The following RAP1GAP2 variants were observed in gnomAD, a reference collection of about 807,000 sequenced individuals.
RAP1GAP2 encodes RAP1 GTPase activating protein 2, also known as rap1 GTPase-activating protein 2.
RAP1GAP2 carries 27 observed loss-of-function variants against 95.0 expected under a neutral mutation model. The observed-to-expected ratio is 0.28, with a 90% confidence interval of 0.21 to 0.39. The LOEUF is 0.39. Ranked by LOEUF, RAP1GAP2 falls within the 10% of genes least tolerant of loss-of-function variation. The pLI is 1.00. For synonymous variants in RAP1GAP2, 373 were observed against 380.9 expected, an observed-to-expected ratio of 0.98 and a Z score of 0.24; for missense variants, 771 against 970.0, an observed-to-expected ratio of 0.79 and a Z score of 2.72.
Position 2,827,855 on chromosome 17 carries a change from C to CTTCATGCTTG in RAP1GAP2, c.80+27305_80+27306insTTCATGCTTG. 6.6e-6 allele frequency among the ~76,000 whole-genome samples: 1 copy of CTTCATGCTTG among 151,602 alleles called. No individual in the cohort carries two copies. The highest frequency in any genetic ancestry group is 2.4e-5 in the African/African-American group (1 of 41,208). ...TGAAAAACAAGGGGGAGGGTTCATACACGATCGGTTGCAGCAGGCACGCCA... is the reference window on the plus strand; with the variant it reads ...TGAAAAACAAGGGGGAGGGTTCATACTTCATGCTTGACGATCGGTTGCAGCAGGCACGCCA... On this transcript the variant is annotated intron_variant, in intron 2 of 24. Coordinates refer to ENST00000254695, the MANE Select transcript of RAP1GAP2 (RefSeq NM_015085.5). This position sits in a 1 kb window ranked among gnomAD's most constrained non-coding sequence, Gnocchi z 4.1.
rs1024131739 is a variant in RAP1GAP2, at chr17:3,033,162, C to T, written c.*31-230C>T. On this transcript the variant is annotated intron_variant, in intron 24 of 24. Transcript: ENST00000254695. This position sits in a 1 kb window ranked among gnomAD's most constrained non-coding sequence, Gnocchi z 4.9. ...CATATGGACCTTCACCCCCGGCTCCCATCACGCACTCTGGACGCCACTGCC... is the reference window on the plus strand; with the variant it reads ...CATATGGACCTTCACCCCCGGCTCCTATCACGCACTCTGGACGCCACTGCC... The T allele has an allele frequency of 1.3e-5, 2 of 152,672 alleles. No individual in the cohort carries two copies. The highest frequency in any genetic ancestry group is 1.5e-5 in the Non-Finnish European group (1 of 68,414). The allele number at this position is 152,672 out of a possible 1,614,324, so 9.5% of individuals were successfully genotyped here.
intron 2 of RAP1GAP2, among the ~76,000 whole-genome samples, chr17:2,833,628 T>C (rs1466321843): frequency 7.0e-6 from 1 of 142,390 alleles, no homozygotes; most frequent in Non-Finnish European, 1.5e-5. Flanking sequence ...AGGCGGAGCT[T>C]GCAGTGAGCC....
chr17:2,950,605 A>ATTTTTT (rs3035074), intron 3 of RAP1GAP2, among the ~76,000 whole-genome samples: 2 of 78,070 alleles, frequency 2.6e-5, no homozygotes, highest in African/African-American at 9.4e-5. Flanking sequence ...ATTTGCTTCA[A>ATTTTTT]TTTTTTTTTT....
rs1350480305 is a variant in RAP1GAP2, at chr17:2,965,741, C to G, written c.596+98C>G. 2 of 915,834 alleles carry G rather than the reference C, an allele frequency of 2.2e-6. No homozygotes were observed. The highest frequency in any genetic ancestry group is 1.7e-6 in the Non-Finnish European group (1 of 584,890). The allele number at this position is 915,834 out of a possible 1,614,324, so 56.7% of individuals were successfully genotyped here. A position where few individuals can be genotyped will look rare whatever the true frequency, so the allele number is the denominator to read the frequency against. On this transcript the variant is annotated intron_variant, in intron 8 of 24. Transcript: ENST00000254695. The surrounding 1 kb of genome is among the most constrained non-coding windows in gnomAD (Gnocchi z 4.7). ...TGGGACTCAGAAATACCAGACTGAC[C>G]AGTCTGGTCTGGGTGCACTGGCTGA...
chr17:2,855,202 A>T lies in RAP1GAP2; in HGVS notation c.81-50082A>T, dbSNP rs903660501. Among the ~76,000 whole-genome samples, 10 of 152,076 alleles carry T rather than the reference A, an allele frequency of 6.6e-5. No homozygotes were observed. Among genetic ancestry groups the T allele is most frequent in the Admixed American group, 2.6e-4 (4 of 15,254 alleles). On this transcript the variant is annotated intron_variant, in intron 2 of 24. Coordinates refer to ENST00000254695, the MANE Select transcript of RAP1GAP2 (RefSeq NM_015085.5). This position sits in a 1 kb window ranked among gnomAD's most constrained non-coding sequence, Gnocchi z 4.3. Reference sequence around the variant, plus strand: ...CCCTTCCTATAATGTGTGTAACAAGATGTTGCCCGCTGCACAGAATGAATT... The same window carrying T: ...CCCTTCCTATAATGTGTGTAACAAGTTGTTGCCCGCTGCACAGAATGAATT...
At chr17:2,886,467 C>T (rs1317464909) in intron 2 of RAP1GAP2, among the ~76,000 whole-genome samples, 2 of 151,932 alleles carry the variant, frequency 1.3e-5, no homozygotes, top group Non-Finnish European at 2.9e-5. Context: ...GCCACCGTGC[C>T]CGGCCATATG....
intron 1 of RAP1GAP2, among the ~76,000 whole-genome samples, chr17:2,763,105 T>C (rs562490814): frequency 6.6e-6 from 1 of 152,336 alleles, no homozygotes; most frequent in East Asian, 1.9e-4. Context: ...TAGTTGGAGA[T>C]GGCAGTTTAC....
At chr17:2,766,687 C>T (rs1031717701) in intron 1 of RAP1GAP2, among the ~76,000 whole-genome samples, 6 of 152,158 alleles carry the variant, frequency 3.9e-5, no homozygotes, top group Admixed American at 2.0e-4. Context: ...CTCTGTGTCC[C>T]TGCCATGTGA....
At chr17:2,789,164 A>T (rs2151460746) in intron 1 of RAP1GAP2, among the ~76,000 whole-genome samples, 1 of 152,106 alleles carries the variant, frequency 6.6e-6, no homozygotes, top group East Asian at 1.9e-4. Context: ...CTCCCACCTC[A>T]GCCTCCCAAG....
At chr17:2,994,086 A>G (rs1469498287) in intron 12 of RAP1GAP2, among the ~76,000 whole-genome samples, 1 of 152,176 alleles carries the variant, frequency 6.6e-6, no homozygotes, top group Non-Finnish European at 1.5e-5. Flanking sequence ...GCTGAAATAC[A>G]GTATAGTAAG....
chr17:2,798,488 C>A (rs1389689537), intron 1 of RAP1GAP2, among the ~76,000 whole-genome samples: 1 of 152,142 alleles, frequency 6.6e-6, no homozygotes, highest in East Asian at 1.9e-4. Flanking sequence ...GTTTGGGCCT[C>A]CTCATCTGGG....
intron 17 of RAP1GAP2, among the ~76,000 whole-genome samples, chr17:3,010,971 G>T (rs1279189840): frequency 1.3e-5 from 2 of 151,950 alleles, no homozygotes; most frequent in South Asian, 2.1e-4. Context: ...TTGTCACCCA[G>T]GCTGGAGTGC....
intron 3 of RAP1GAP2, among the ~76,000 whole-genome samples, chr17:2,927,258 G>A (rs373440459): frequency 0.015 from 2,221 of 151,536 alleles, 56 homozygotes; most frequent in African/African-American, 0.05. Context: ...GGTTCAGGCC[G>A]TTCTCCTGCC....
intron 22 of RAP1GAP2, among the ~76,000 whole-genome samples, chr17:3,028,423 C>G (rs1242040305): frequency 1.3e-5 from 2 of 152,190 alleles, no homozygotes; most frequent in East Asian, 1.9e-4. Context: ...GGACAGCCCC[C>G]TAGCCACATC....
rs1317308280 is a variant in RAP1GAP2 at position 2,857,269 on chromosome 17, A to G, written c.81-48015A>G. ...GTTGAAATGGTTGTGTGTGGCTTGCAGGGACCACCCAGTGGTCTTTTTCAT... is the reference window on the plus strand; with the variant it reads ...GTTGAAATGGTTGTGTGTGGCTTGCGGGGACCACCCAGTGGTCTTTTTCAT... On this transcript the variant is annotated intron_variant, in intron 2 of 24. Coordinates refer to ENST00000254695, the MANE Select transcript of RAP1GAP2 (RefSeq NM_015085.5). This position sits in a 1 kb window ranked among gnomAD's most constrained non-coding sequence, Gnocchi z 4.0. Among the ~76,000 whole-genome samples, 12 of 152,176 alleles carry G rather than the reference A, an allele frequency of 7.9e-5. No homozygotes were observed. The highest frequency in any genetic ancestry group is 1.8e-4 in the Non-Finnish European group (12 of 68,022).
intron 8 of RAP1GAP2, among the ~76,000 whole-genome samples, chr17:2,969,998 G>A (rs2044786670): frequency 6.6e-6 from 1 of 151,828 alleles, no homozygotes; most frequent in Non-Finnish European, 1.5e-5. Context: ...CCTGGGCCGG[G>A]CATCGTGGTT....
At chr17:2,920,566 A>G (rs2042728326) in intron 3 of RAP1GAP2, among the ~76,000 whole-genome samples, 1 of 152,226 alleles carries the variant, frequency 6.6e-6, no homozygotes, top group Non-Finnish European at 1.5e-5. Flanking sequence ...GACATCGTGC[A>G]GTTCAGTCAT....
intron 1 of RAP1GAP2, among the ~76,000 whole-genome samples, chr17:2,790,110 CTT>C (rs112066606): frequency 1.4e-5 from 2 of 144,720 alleles, no homozygotes; most frequent in Admixed American, 7.0e-5. Flanking sequence ...CTCCATCATC[CTT>C]TTTTTTTTTT....
rs116356255 is a variant in RAP1GAP2, at chr17:2,867,555, C to T, written c.81-37729C>T. 0.013 allele frequency among the ~76,000 whole-genome samples: 1,979 copies of T among 152,256 alleles called. 31 individuals are homozygous for T. The highest frequency in any genetic ancestry group is 0.045 in the African/African-American group (1,853 of 41,544). ...AGCAGATGTCCCAGGGATGGCTCAC[C>T]CTGGACAGAAAGTGAGTCACATACG... is the stretch of plus-strand genomic sequence containing the variant. On this transcript the variant is annotated intron_variant, in intron 2 of 24. Coordinates refer to ENST00000254695, the MANE Select transcript of RAP1GAP2 (RefSeq NM_015085.5). This position sits in a 1 kb window ranked among gnomAD's most constrained non-coding sequence, Gnocchi z 4.5.
Sources: allele counts gnomAD v4.1 joint callset (sites outside exome capture counted in the v4.1 genomes callset), GRCh38; gene constraint gnomAD v4.1.1; non-coding constraint Gnocchi (gnomAD v3.1); transcripts MANE v1.5; gene names NCBI Gene and HGNC (gene_info 2026-07-23, HGNC 2026-07-21).